Variants in KCTD19 observed in about 807,000 individuals in gnomAD.
The protein encoded by KCTD19 is potassium channel tetramerization domain containing 19, also known as BTB/POZ domain-containing protein KCTD19.
A neutral mutation model predicts 103.5 loss-of-function variants in KCTD19; 67 were observed. The ratio of observed to expected loss-of-function variants is 0.65; its 90% CI spans 0.53 to 0.79. KCTD19 has a LOEUF of 0.79. KCTD19 is among the 30% of genes least tolerant of loss of function. The pLI is 0.00. For missense variants in KCTD19, 980 were observed against 1,136.1 expected, an observed-to-expected ratio of 0.86 and a Z score of 1.98; for synonymous variants, 439 against 452.2, an observed-to-expected ratio of 0.97 and a Z score of 0.37.
In KCTD19 at chr16:67,303,718, T is replaced by G. The variant is rs2036862222; in HGVS notation, c.452-381A>C. Reference sequence around the variant, plus strand: ...ACGTGCCACCACACCCAGCTAATTTTTGTGTTTTCAGTAGAGACGGGGTTT... The same window carrying G: ...ACGTGCCACCACACCCAGCTAATTTGTGTGTTTTCAGTAGAGACGGGGTTT... On this transcript the variant is annotated intron_variant, in intron 3 of 15. Coordinates refer to ENST00000304372, the MANE Select transcript of KCTD19 (RefSeq NM_001100915.3). The surrounding 1 kb of genome is among the most constrained non-coding windows in gnomAD (Gnocchi z 4.3). Among the ~76,000 whole-genome samples the G allele has an allele frequency of 6.6e-6, 1 of 151,994 alleles. No homozygotes were observed. Among genetic ancestry groups the G allele is most frequent in the African/African-American group, 2.4e-5 (1 of 41,412 alleles).
intron 1 of KCTD19, chr16:67,322,135 T>C (rs1304737129): frequency 6.6e-6 from 1 of 152,168 alleles, no homozygotes. Context: ...CAATCCAAGA[T>C]GATTCAATGG....
At chr16:67,295,223 C>T (rs1056116255) in intron 9 of KCTD19, 40 bp downstream of exon 9, 2 of 1,608,396 alleles carry the variant, frequency 1.2e-6, no homozygotes, top group African/African-American at 2.7e-5. Flanking sequence ...GAGGGGTCAG[C>T]CTTCGTGATT....
chr16:67,316,984 T>C (rs1366445729), intron 2 of KCTD19, among the ~76,000 whole-genome samples: 1 of 152,200 alleles, frequency 6.6e-6, no homozygotes, highest in Non-Finnish European at 1.5e-5. Flanking sequence ...AAGCCTACTA[T>C]GTCACAGATA....
intron 5 of KCTD19, 112 bp from the exon 6 acceptor site, chr16:67,299,685 G>A: frequency 2.5e-6 from 2 of 814,742 alleles, no homozygotes; most frequent in Non-Finnish European, 3.9e-6. Flanking sequence ...AGGCTCAGAG[G>A]AAGGATATTT....
At chr16:67,294,314 C>CAAAGCTCAAA in intron 11 of KCTD19, 143 bp from the exon 12 acceptor site, 2 of 981,076 alleles carry the variant, frequency 2.0e-6, no homozygotes, top group Non-Finnish European at 3.0e-6. Context: ...CCCATTTGAG[C>CAAAGCTCAAA]TTTGCTCAGG....
chr16:67,295,182 G>C, intron 9 of KCTD19, 81 bp downstream of exon 9: 1 of 1,574,662 alleles, frequency 6.4e-7, no homozygotes, highest in Non-Finnish European at 8.7e-7. Flanking sequence ...CTCCCTGAAG[G>C]CTGCAACTCA....
intron 6 of KCTD19, among the ~76,000 whole-genome samples, chr16:67,298,352 CG>C: frequency 6.6e-6 from 1 of 152,114 alleles, no homozygotes; most frequent in African/African-American, 2.4e-5. Flanking sequence ...CCTGGACAAC[CG>C]GTCACATTTT....
chr16:67,297,158 T>G (rs2036773619), intron 7 of KCTD19, among the ~76,000 whole-genome samples: 1 of 152,196 alleles, frequency 6.6e-6, no homozygotes, highest in Non-Finnish European at 1.5e-5. Context: ...GGCTGTTAAA[T>G]GGACCCAGGG....
intron 6 of KCTD19, 139 bp from the exon 7 acceptor site, chr16:67,297,802 T>TC (rs2036783580): frequency 1.3e-6 from 1 of 756,196 alleles, no homozygotes; most frequent in East Asian, 2.9e-5. Flanking sequence ...TTCCTTGTAT[T>TC]TTTTTTTTAG....
chr16:67,294,872 AAGG>A, intron 10 of KCTD19, 98 bp downstream of exon 10: 1 of 1,091,166 alleles, frequency 9.2e-7, no homozygotes, highest in Non-Finnish European at 1.4e-6. Flanking sequence ...CCTCAACCCC[AAGG>A]AGATCAGGAT....
Position 67,296,208 on chromosome 16 carries a change from A to C in KCTD19, c.1199T>G (p.Val400Gly), listed in dbSNP as rs770925658. Residue 400 changes from valine to glycine, a missense_variant, in exon 8 of 16, where the codon GTG becomes GGG. Transcript: ENST00000304372. ...TVYSPQQIIK[V>G]YVGSHWYATT... The stretch of plus-strand genomic sequence containing the variant: ...TGCGTACCAGTGGCTTCCAACATAC[A>C]CTTTGATGATCTGTTGTGGGGAATA... 1 of 1,613,786 alleles carries C rather than the reference A, an allele frequency of 6.2e-7. No individual in the cohort carries two copies. Among genetic ancestry groups the C allele is most frequent in the Admixed American group, 1.7e-5 (1 of 60,014 alleles).
Position 67,303,122 on chromosome 16 carries a change from C to T in KCTD19, c.643+24G>A. The T allele has an allele frequency of 1.0e-5, 5 of 490,246 alleles. No homozygotes were observed. The highest frequency in any genetic ancestry group is 1.9e-5 in the Non-Finnish European group (5 of 265,176). 30.4% of individuals were successfully genotyped at this position (490,246 alleles called of 1,614,324 possible). ...ATGGGCCCTATCAGCCCGCCCCCCA[C>T]CCCACCCCGGACAGAGCAATCACCA... On this transcript the variant is annotated intron_variant, in intron 4 of 15. Coordinates refer to ENST00000304372, the MANE Select transcript of KCTD19 (RefSeq NM_001100915.3). The surrounding 1 kb of genome is among the most constrained non-coding windows in gnomAD (Gnocchi z 4.3).
At chr16:67,318,000 ATGTGTGAAGCTGTTGATTAGCT>A (rs1477669467) in intron 2 of KCTD19, among the ~76,000 whole-genome samples, 1 of 152,224 alleles carries the variant, frequency 6.6e-6, no homozygotes, top group African/African-American at 2.4e-5. Flanking sequence ...AGTGGTGGAA[ATGTGTGAAGCTGTTGATTAGCT>A]TGAGGTGACT....
intron 7 of KCTD19, 100 bp from the exon 8 acceptor site, chr16:67,296,359 T>C: frequency 2.6e-6 from 2 of 762,748 alleles, no homozygotes; most frequent in Non-Finnish European, 4.7e-6. Context: ...AGTCTCAATA[T>C]CTTTCCTCAG....
At chr16:67,305,885 A>G (rs1364860148) in intron 2 of KCTD19, among the ~76,000 whole-genome samples, 1 of 152,162 alleles carries the variant, frequency 6.6e-6, no homozygotes, top group African/African-American at 2.4e-5. Flanking sequence ...CTGGTGGCCA[A>G]GCTATAAACT....
In KCTD19 at chr16:67,289,492, G is replaced by T; in HGVS notation, c.*77C>A. ...TAGACTGATATGTACCCTCTGATGGGCACATGCATTCTGGGCTATCTCCAA... is the reference window on the plus strand; with the variant it reads ...TAGACTGATATGTACCCTCTGATGGTCACATGCATTCTGGGCTATCTCCAA... On this transcript the variant is annotated 3_prime_UTR_variant, in exon 16 of 16. Transcript: ENST00000304372. 1.2e-6 allele frequency: 1 copy of T among 811,292 alleles called. No homozygotes were observed. Among genetic ancestry groups the T allele is most frequent in the Non-Finnish European group, 2.2e-6 (1 of 462,446 alleles). The allele number at this position is 811,292 out of a possible 1,614,324, so 50.3% of individuals were successfully genotyped here.
In KCTD19 at chr16:67,293,409, G is replaced by T; in HGVS notation, c.2218+135C>A. ...TGTGCCAGTCATTTCTGTGTCTGCT[G>T]CCTGGCACAGAGATGGCATTGGTGA... On this transcript the variant is annotated intron_variant, in intron 12 of 15. Coordinates refer to ENST00000304372, the MANE Select transcript of KCTD19 (RefSeq NM_001100915.3). This position sits in a 1 kb window ranked among gnomAD's most constrained non-coding sequence, Gnocchi z 4.0. The T allele has an allele frequency of 1.0e-6, 1 of 962,470 alleles. No individual in the cohort carries two copies. Among genetic ancestry groups the T allele is most frequent in the Non-Finnish European group, 1.6e-6 (1 of 637,968 alleles). 59.6% of individuals were successfully genotyped at this position (962,470 alleles called of 1,614,324 possible).
intron 2 of KCTD19, among the ~76,000 whole-genome samples, 186 bp from the exon 3 acceptor site, chr16:67,304,757 G>A (rs1263466227): frequency 6.6e-6 from 1 of 151,740 alleles, no homozygotes; most frequent in Non-Finnish European, 1.5e-5. Context: ...TCCACCTCCT[G>A]GGTTCAAGCG....
rs762617902 is a variant in KCTD19, at chr16:67,296,140, C to G, written c.1248+19G>C. On this transcript the variant is annotated intron_variant, in intron 8 of 15. Transcript: ENST00000304372. The stretch of plus-strand genomic sequence containing the variant: ...TGGTGATGCCAGATGGGGAGCAGGG[C>G]AGCCGAGGCCGTCAGTACCTTCAGC... 6.7e-7 allele frequency: 1 copy of G among 1,486,276 alleles called. No individual in the cohort carries two copies. Among genetic ancestry groups the G allele is most frequent in the Non-Finnish European group, 9.4e-7 (1 of 1,063,408 alleles). 92.1% of individuals were successfully genotyped at this position (1,486,276 alleles called of 1,614,324 possible).
Sources: gnomAD v4.1 joint callset for allele counts (sites outside exome capture counted in the v4.1 genomes callset) on GRCh38, gnomAD v4.1.1 for gene constraint, Gnocchi (gnomAD v3.1) non-coding constraint, MANE v1.5 for transcripts, NCBI Gene and HGNC (gene_info 2026-07-23, HGNC 2026-07-21) for gene names.